TNS3: variants seen among roughly 807,000 people sequenced by gnomAD.
The protein encoded by TNS3 is tensin-3.
Under a neutral mutation model 140.9 loss-of-function variants are expected in TNS3, and 45 were observed. The ratio of observed to expected loss-of-function variants is 0.32; its 90% confidence interval spans 0.25 to 0.41. The LOEUF is 0.41. Ranked by LOEUF, TNS3 falls within the 10% of genes least tolerant of loss-of-function variation. The pLI is 1.00. For synonymous variants in TNS3, 815 were observed against 788.4 expected (o/e 1.03, Z -0.56); for missense variants, 1,716 against 1,906.7 (o/e 0.90, Z 1.86).
chr7:47,478,608 T>A (rs577073818), intron 4 of TNS3, among the ~76,000 whole-genome samples: 1 of 152,112 alleles, frequency 6.6e-6, no homozygotes, highest in Non-Finnish European at 1.5e-5. Context: ...ATGTGTAACA[T>A]TTATATACAT....
intron 3 of TNS3, among the ~76,000 whole-genome samples, chr7:47,494,487 C>T (rs890039577): frequency 2.6e-5 from 4 of 152,340 alleles, no homozygotes; most frequent in African/African-American, 9.6e-5. Flanking sequence ...CTATCCACTC[C>T]ACCTCCCCTG....
intron 1 of TNS3, among the ~76,000 whole-genome samples, chr7:47,567,891 C>T (rs952578948): frequency 6.6e-6 from 1 of 152,162 alleles, no homozygotes; most frequent in African/African-American, 2.4e-5. Flanking sequence ...TAGGTAACAT[C>T]GATCAGTAAT....
At chr7:47,500,812 G>A (rs1159755368) in intron 3 of TNS3, among the ~76,000 whole-genome samples, 1 of 152,142 alleles carries the variant, frequency 6.6e-6, no homozygotes, top group East Asian at 1.9e-4. Context: ...TGGGCTCAAT[G>A]GCTCACACTA....
intron 2 of TNS3, 35 bp from the exon 3 acceptor site, chr7:47,506,979 A>G (rs775970096): frequency 1.4e-4 from 179 of 1,281,962 alleles, no homozygotes; most frequent in Non-Finnish European, 1.5e-4. Flanking sequence ...ATGTGTGTCA[A>G]GCAGTCTCTC....
chr7:47,297,329 G>C, intron 23 of TNS3, 116 bp from the exon 24 acceptor site: 1 of 1,273,072 alleles, frequency 7.9e-7, no homozygotes, highest in South Asian at 1.5e-5. Context: ...GGATCAGTGG[G>C]GACCTGGCCG....
chr7:47,471,893 A>G (rs920966535), intron 4 of TNS3, among the ~76,000 whole-genome samples: 1 of 152,204 alleles, frequency 6.6e-6, no homozygotes, highest in Non-Finnish European at 1.5e-5. Context: ...CCATTGTATT[A>G]ATTTCCTAAG....
intron 13 of TNS3, chr7:47,405,421 G>A (rs1013117937): frequency 3.5e-5 from 24 of 682,458 alleles, no homozygotes; most frequent in East Asian, 8.1e-5. Context: ...AGTTACAACC[G>A]CATATTTGGA....
chr7:47,372,550 G>C (rs1562652833), intron 16 of TNS3, among the ~76,000 whole-genome samples: 1 of 152,182 alleles, frequency 6.6e-6, no homozygotes, highest in Non-Finnish European at 1.5e-5. Flanking sequence ...CCTCTCCTGG[G>C]GGGAGGGTAT....
intron 10 of TNS3, among the ~76,000 whole-genome samples, chr7:47,422,496 T>TC (rs2151466661): frequency 6.6e-6 from 1 of 152,138 alleles, no homozygotes; most frequent in South Asian, 2.1e-4. Flanking sequence ...GCCTATAGTC[T>TC]CAGCTACTCA....
intron 30 of TNS3, chr7:47,279,801 G>A (rs928747228): frequency 4.8e-5 from 13 of 271,734 alleles, no homozygotes; most frequent in East Asian, 8.7e-5. Flanking sequence ...TGGAACACCC[G>A]CTTCATCCAC....
intron 4 of TNS3, among the ~76,000 whole-genome samples, chr7:47,462,918 T>G (rs184411150): frequency 6.6e-6 from 1 of 152,258 alleles, no homozygotes; most frequent in East Asian, 1.9e-4. Context: ...TTCTCTCAGA[T>G]AGTAAAGCTC....
intron 30 of TNS3, chr7:47,279,900 G>A: frequency 1.9e-6 from 1 of 530,600 alleles, no homozygotes; most frequent in Non-Finnish European, 3.4e-6. Context: ...AAAAGGCTGT[G>A]CCATCCATCT....
intron 18 of TNS3, among the ~76,000 whole-genome samples, chr7:47,345,804 T>C (rs942644169): frequency 2.0e-4 from 30 of 152,194 alleles, no homozygotes; most frequent in Non-Finnish European, 4.4e-4. Context: ...TGTCGGGCTA[T>C]GGAGAATGGC....
At position 47,410,445 on chromosome 7, in the gene TNS3, C is replaced by A. The variant is rs139797108; in HGVS notation, c.723+1282G>T. Among the ~76,000 whole-genome samples the A allele has an allele frequency of 6.3e-3, 960 of 152,342 alleles. 5 individuals are homozygous for A. The highest frequency in any genetic ancestry group is 0.021 in the African/African-American group (891 of 41,576). On this transcript the variant is annotated intron_variant, in intron 13 of 30. Coordinates refer to ENST00000311160, the MANE Select transcript of TNS3 (RefSeq NM_022748.12). ...CCAGCTGTTGTTCCAGACCTGCCTTCCAGGCCTGAAGAACCCCTCAATTAG... is the reference window on the plus strand; with the variant it reads ...CCAGCTGTTGTTCCAGACCTGCCTTACAGGCCTGAAGAACCCCTCAATTAG...
chr7:47,385,830 A>T (rs1246773433), intron 16 of TNS3, among the ~76,000 whole-genome samples: 2 of 151,964 alleles, frequency 1.3e-5, no homozygotes, highest in African/African-American at 4.8e-5. Flanking sequence ...AGCATCCCAG[A>T]CTCACTGCTA....
At chr7:47,411,618 CT>C (rs1319378865) in intron 13 of TNS3, 108 bp downstream of exon 13, 103 of 1,224,424 alleles carry the variant, frequency 8.4e-5, no homozygotes, top group East Asian at 1.5e-4. Flanking sequence ...CTACAGGGTA[CT>C]TTTTTTGGGG....
At position 47,422,205 on chromosome 7, in the gene TNS3, A is replaced by C. The variant is rs61581515; in HGVS notation, c.473+1896T>G. 4.7e-3 allele frequency among the ~76,000 whole-genome samples: 712 copies of C among 152,334 alleles called. 5 individuals carry two copies. Among genetic ancestry groups the C allele is most frequent in the African/African-American group, 0.016 (671 of 41,576 alleles). On this transcript the variant is annotated intron_variant, in intron 10 of 30. Coordinates refer to ENST00000311160, the MANE Select transcript of TNS3 (RefSeq NM_022748.12). ...TAAGGGGCATTTCCCTAATCTCAGGAGCAGAGGGATTAACCTTGGAATGTA... is the reference window on the plus strand; with the variant it reads ...TAAGGGGCATTTCCCTAATCTCAGGCGCAGAGGGATTAACCTTGGAATGTA...
At chr7:47,413,309 T>C (rs1169606439) in intron 12 of TNS3, among the ~76,000 whole-genome samples, 1 of 131,674 alleles carries the variant, frequency 7.6e-6, no homozygotes. Flanking sequence ...TGGAGTGCAG[T>C]GGTGTGATCT....
rs76177560 is a variant in TNS3, at chr7:47,539,361, T to A, written c.-264-10214A>T. The A allele has an allele frequency of 9.7e-3, 3,314 of 341,824 alleles. 106 individuals are homozygous for A. Among genetic ancestry groups the A allele is most frequent in the African/African-American group, 0.065 (3,038 of 46,702 alleles). 21.2% of individuals were successfully genotyped at this position (341,824 alleles called of 1,614,324 possible). A position where few individuals can be genotyped will look rare whatever the true frequency, so the allele number is the denominator to read the frequency against. ...CACACTTCGTTACTAGTAACAAATATCGTGCGTGTGATAAACCTCCCCAGT... is the reference window on the plus strand; with the variant it reads ...CACACTTCGTTACTAGTAACAAATAACGTGCGTGTGATAAACCTCCCCAGT... On this transcript the variant is annotated intron_variant, in intron 1 of 30. Coordinates refer to ENST00000311160, the MANE Select transcript of TNS3 (RefSeq NM_022748.12).
Sources: allele counts gnomAD v4.1 joint callset (sites outside exome capture counted in the v4.1 genomes callset), GRCh38; gene constraint gnomAD v4.1.1; transcripts MANE v1.5; gene names NCBI Gene and HGNC (gene_info 2026-07-23, HGNC 2026-07-21).